OTUD7A: variants seen among roughly 807,000 people sequenced by gnomAD.
OTUD7A encodes OTU domain-containing protein 7A.
A neutral mutation model predicts 65.7 loss-of-function variants in OTUD7A; 12 were observed. That is an observed-to-expected ratio of 0.18 (90% confidence interval 0.12 to 0.30). The LOEUF is 0.30. OTUD7A is among the 10% of genes least tolerant of loss of function. The probability of loss-of-function intolerance (pLI) is 1.00; values close to 1 mark genes in which losing one functional copy is unlikely to be tolerated. For synonymous variants in OTUD7A, 641 were observed against 586.3 expected, an observed-to-expected ratio of 1.09 and a Z score of -1.35; for missense variants, 1,148 against 1,304.8, an observed-to-expected ratio of 0.88 and a Z score of 1.85.
At chr15:31,617,999 A>G (rs1235559637) in intron 3 of OTUD7A, among the ~76,000 whole-genome samples, 1 of 149,256 alleles carries the variant, frequency 6.7e-6, no homozygotes, top group African/African-American at 2.5e-5. Flanking sequence ...TCATTGTTCA[A>G]TTCCCACCTA....
Position 31,725,854 on chromosome 15 carries a change from G to A in OTUD7A, c.-99-68777C>T, listed in dbSNP as rs185802730. ...CCTGGAGGAGAATGGCATGTAGCAA[G>A]CCCTGACTTCCCTGTGCACCAGGAG... On this transcript the variant is annotated intron_variant, in intron 1 of 12. Coordinates refer to ENST00000307050, the MANE Select transcript of OTUD7A (RefSeq NM_001382637.1). 2.0e-4 allele frequency among the ~76,000 whole-genome samples: 30 copies of A among 152,254 alleles called. No homozygotes were observed. In the East Asian group the frequency reaches 2.3e-3, roughly 12 times the overall value.
chr15:31,688,840 C>G (rs1892901328), intron 1 of OTUD7A, among the ~76,000 whole-genome samples: 1 of 150,822 alleles, frequency 6.6e-6, no homozygotes, highest in East Asian at 2.0e-4. Flanking sequence ...CTTTTCTATT[C>G]CTTCAAGTTT....
intron 1 of OTUD7A, among the ~76,000 whole-genome samples, chr15:31,866,846 G>T (rs1272091402): frequency 6.6e-6 from 1 of 152,104 alleles, no homozygotes; most frequent in Non-Finnish European, 1.5e-5. Flanking sequence ...ATTCCCATTT[G>T]CCCCCTTGAA....
At chr15:31,670,498 T>C (rs1031887605) in intron 1 of OTUD7A, among the ~76,000 whole-genome samples, 8 of 152,366 alleles carry the variant, frequency 5.3e-5, no homozygotes, top group Non-Finnish European at 8.8e-5. Flanking sequence ...TGGTATCTCA[T>C]TGCAGTTTTG....
chr15:31,788,961 T>G (rs1275766992), intron 1 of OTUD7A, among the ~76,000 whole-genome samples: 1 of 152,196 alleles, frequency 6.6e-6, no homozygotes, highest in East Asian at 1.9e-4. Flanking sequence ...GATTCCTAAA[T>G]GCCAGGACCC....
At position 31,807,187 on chromosome 15, in the gene OTUD7A, G is replaced by A. The variant is rs1465425805; in HGVS notation, c.-100+63320C>T. Among the ~76,000 whole-genome samples, 8 of 151,736 alleles carry A rather than the reference G, an allele frequency of 5.3e-5. No homozygotes were observed. In the South Asian group the frequency reaches 6.2e-4, roughly 12 times the overall value. ...TAAGCTCAATAGAGTCAATAACACC[G>A]TTCCCATTTTGCAGGTGAAATCGAG... On this transcript the variant is annotated intron_variant, in intron 1 of 12. Transcript: ENST00000307050.
At chr15:31,792,022 T>C (rs1365891358) in intron 1 of OTUD7A, among the ~76,000 whole-genome samples, 1 of 152,128 alleles carries the variant, frequency 6.6e-6, no homozygotes, top group African/African-American at 2.4e-5. Flanking sequence ...ACCAGGACTC[T>C]TGACTTCCTA....
chr15:31,620,375 C>T (rs1329994682), intron 3 of OTUD7A, among the ~76,000 whole-genome samples: 5 of 152,014 alleles, frequency 3.3e-5, no homozygotes, highest in Admixed American at 6.6e-5. Flanking sequence ...TGGTAGAATT[C>T]GGCTGTGAAT....
chr15:31,527,258 T>C lies in OTUD7A; in HGVS notation c.703A>G (p.Thr235Ala), dbSNP rs767465863. 13 of 1,614,054 alleles carry C rather than the reference T, an allele frequency of 8.1e-6. No individual in the cohort carries two copies. The highest frequency in any genetic ancestry group is 6.7e-5 in the Admixed American group (4 of 60,008). ...RDLVLRKALYTMMRTGAEREA... is the reference protein window; with the variant it reads ...RDLVLRKALYAMMRTGAEREA... The stretch of plus-strand genomic sequence containing the variant: ...CTCTCAGCTCCCGTCCTCATCATGG[T>C]ATAGAGAGCTTTCCGTAACACCAGG... The change falls in exon 7 of 13, where the codon ACC becomes GCC. Residue 235 changes from threonine to alanine, a missense_variant. Transcript: ENST00000307050.
intron 7 of OTUD7A, among the ~76,000 whole-genome samples, chr15:31,526,812 G>A (rs374576048): frequency 1.6e-4 from 24 of 152,280 alleles, no homozygotes; most frequent in South Asian, 4.1e-4. Flanking sequence ...GGGGACAATC[G>A]GGAATCCCTT....
chr15:31,602,971 T>C (rs1595646380), intron 3 of OTUD7A, among the ~76,000 whole-genome samples: 1 of 152,322 alleles, frequency 6.6e-6, no homozygotes, highest in East Asian at 1.9e-4. Flanking sequence ...AAACATTCCA[T>C]GCTCATGGAT....
At chr15:31,494,885 C>T (rs1042717964) in intron 10 of OTUD7A, among the ~76,000 whole-genome samples, 2 of 152,238 alleles carry the variant, frequency 1.3e-5, no homozygotes, top group Admixed American at 1.3e-4. Flanking sequence ...TGTTCTCACT[C>T]CAGTACCATG....
chr15:31,755,031 G>A (rs1229550172), intron 1 of OTUD7A, among the ~76,000 whole-genome samples: 1 of 151,378 alleles, frequency 6.6e-6, no homozygotes, highest in Non-Finnish European at 1.5e-5. Flanking sequence ...TGGTGTGTGT[G>A]TGTGATTATG....
intron 1 of OTUD7A, among the ~76,000 whole-genome samples, chr15:31,782,866 T>C (rs542814321): frequency 6.6e-6 from 1 of 152,168 alleles, no homozygotes; most frequent in African/African-American, 2.4e-5. Flanking sequence ...GTGGAAACCA[T>C]GGAGACATCA....
chr15:31,780,466 T>TA (rs1482284492), intron 1 of OTUD7A, among the ~76,000 whole-genome samples: 7 of 152,124 alleles, frequency 4.6e-5, no homozygotes, highest in Admixed American at 3.3e-4. Context: ...ACTCAATACT[T>TA]AGAAGCGCTG....
chr15:31,543,375 A>G (rs988203026), intron 5 of OTUD7A, among the ~76,000 whole-genome samples: 1 of 151,914 alleles, frequency 6.6e-6, no homozygotes, highest in Non-Finnish European at 1.5e-5. Context: ...ATGTGTAAGG[A>G]GAGAATAAAC....
At chr15:31,590,598 A>C (rs1889694575) in intron 3 of OTUD7A, among the ~76,000 whole-genome samples, 1 of 152,246 alleles carries the variant, frequency 6.6e-6, no homozygotes, top group Non-Finnish European at 1.5e-5. Context: ...TTGTTGTATG[A>C]ATAGATAAAA....
intron 8 of OTUD7A, among the ~76,000 whole-genome samples, chr15:31,519,594 A>G (rs7179991): frequency 0.092 from 14,027 of 152,268 alleles, 850 homozygotes; most frequent in African/African-American, 0.17. Flanking sequence ...CTGGAACAAG[A>G]TGAGGATGCC....
chr15:31,659,061 A>G (rs201609103), intron 1 of OTUD7A, among the ~76,000 whole-genome samples: 11,208 of 120,922 alleles, frequency 0.093, 505 homozygotes, highest in African/African-American at 0.15. Context: ...ATAAATAAAT[A>G]AATAAATAAA....
Sources: allele counts gnomAD v4.1 joint callset (sites outside exome capture counted in the v4.1 genomes callset), GRCh38; gene constraint gnomAD v4.1.1; transcripts MANE v1.5; gene names NCBI Gene and HGNC (gene_info 2026-07-23, HGNC 2026-07-21).